Variants in TRIM71 observed in about 807,000 individuals in gnomAD.
The protein encoded by TRIM71 is tripartite motif containing 71.
Under a neutral mutation model 61.2 loss-of-function variants are expected in TRIM71, and 9 were observed. That is an observed-to-expected ratio of 0.15 (90% CI 0.09 to 0.26). TRIM71 has a LOEUF of 0.26. Among genes scored for constraint, TRIM71 ranks in the 10% least tolerant of loss-of-function variants. The pLI is 1.00. For missense variants in TRIM71, 998 were observed against 1,238.7 expected, an observed-to-expected ratio of 0.81 and a Z score of 2.92; for synonymous variants, 645 against 553.2, an observed-to-expected ratio of 1.17 and a Z score of -2.33.
chr3:32,836,842 G>A (rs1462824375), intron 1 of TRIM71, among the ~76,000 whole-genome samples: 1 of 152,164 alleles, frequency 6.6e-6, no homozygotes, highest in Admixed American at 6.5e-5. Context: ...TATTATACTG[G>A]TAGCTATTAA....
chr3:32,864,987 C>CCT (rs1370251554), intron 1 of TRIM71, among the ~76,000 whole-genome samples: 8 of 151,878 alleles, frequency 5.3e-5, no homozygotes, highest in Non-Finnish European at 8.8e-5. Context: ...TTTACCTCGA[C>CCT]CTCTGCCCCT....
chr3:32,854,099 A>G (rs1696570193), intron 1 of TRIM71, among the ~76,000 whole-genome samples: 1 of 152,016 alleles, frequency 6.6e-6, no homozygotes. Flanking sequence ...AGTAATTCTC[A>G]TGCCTGAGCC....
At chr3:32,831,578 G>C (rs1303744217) in intron 1 of TRIM71, among the ~76,000 whole-genome samples, 1 of 134,952 alleles carries the variant, frequency 7.4e-6, no homozygotes, top group Non-Finnish European at 1.5e-5. Flanking sequence ...TCGCTGGGAT[G>C]CCCAGGCTGG....
intron 1 of TRIM71, among the ~76,000 whole-genome samples, chr3:32,825,403 A>G (rs2125674282): frequency 6.6e-6 from 1 of 152,264 alleles, no homozygotes; most frequent in African/African-American, 2.4e-5. Context: ...TAGCTCTAAA[A>G]TTTAACCCCC....
At chr3:32,882,386 A>C (rs1333577133) in intron 2 of TRIM71, among the ~76,000 whole-genome samples, 2 of 152,096 alleles carry the variant, frequency 1.3e-5, no homozygotes, top group Non-Finnish European at 2.9e-5. Context: ...AACACATCTA[A>C]AAATATAGAG....
rs1328804032 is a variant in TRIM71, at chr3:32,818,298, A to G, written c.218A>G (p.His73Arg). Reference protein sequence around the residue: ...HAFCRPCLEAHRLPAAGGGAA... With the variant: ...HAFCRPCLEARRLPAAGGGAA... Reference sequence around the variant, plus strand: ...TTCTGCCGCCCCTGCCTCGAGGCGCACCGGCTGCCGGCGGCGGGCGGCGGC... The same window carrying G: ...TTCTGCCGCCCCTGCCTCGAGGCGCGCCGGCTGCCGGCGGCGGGCGGCGGC... Residue 73 changes from histidine (H) to arginine (R), a missense_variant, in exon 1 of 4, where the codon CAC (histidine) becomes CGC (arginine). Coordinates refer to ENST00000383763, the MANE Select transcript of TRIM71 (RefSeq NM_001039111.3). 3.5e-6 allele frequency: 5 copies of G among 1,432,856 alleles called. No individual in the cohort carries two copies. Among genetic ancestry groups the G allele is most frequent in the South Asian group, 1.4e-5 (1 of 71,906 alleles). The allele number at this position is 1,432,856 out of a possible 1,614,324, so 88.8% of individuals were successfully genotyped here.
At position 32,875,271 on chromosome 3, in the gene TRIM71, T is replaced by A. The variant is rs373702194; in HGVS notation, c.1020+1286T>A. ...ATTGAAACTGTTGTTTCTGTTGAATTCCTATCAACAGCTAGGGAGGGGCAT... is the reference window on the plus strand; with the variant it reads ...ATTGAAACTGTTGTTTCTGTTGAATACCTATCAACAGCTAGGGAGGGGCAT... On this transcript the variant is annotated intron_variant, in intron 2 of 3. Transcript: ENST00000383763. 4.6e-5 allele frequency among the ~76,000 whole-genome samples: 7 copies of A among 152,244 alleles called. No individual in the cohort carries two copies. In the East Asian group the frequency reaches 1.2e-3, roughly 25 times the overall value.
rs1369030192 is a variant in TRIM71 at position 32,893,042 on chromosome 3, C to G, written c.*1231C>G. The stretch of plus-strand genomic sequence containing the variant: ...TTTATTTTACAAGCACAATTTTTTC[C>G]TGCTTTGAAAGTTCAGGGAAATAGA... On this transcript the variant is annotated 3_prime_UTR_variant, in exon 4 of 4. Coordinates refer to ENST00000383763, the MANE Select transcript of TRIM71 (RefSeq NM_001039111.3). 6.6e-6 allele frequency: 1 copy of G among 152,122 alleles called. No individual in the cohort carries two copies. The highest frequency in any genetic ancestry group is 1.5e-5 in the Non-Finnish European group (1 of 68,028). 9.4% of individuals were successfully genotyped at this position (152,122 alleles called of 1,614,324 possible). A position where few individuals can be genotyped will look rare whatever the true frequency, so the allele number is the denominator to read the frequency against.
intron 1 of TRIM71, among the ~76,000 whole-genome samples, chr3:32,822,686 T>C (rs968902007): frequency 1.3e-5 from 2 of 152,202 alleles, no homozygotes; most frequent in Admixed American, 1.3e-4. Flanking sequence ...GCATAAATTA[T>C]AAAATCCATA....
intron 2 of TRIM71, among the ~76,000 whole-genome samples, chr3:32,877,432 C>T (rs976063581): frequency 4.0e-5 from 6 of 151,676 alleles, no homozygotes; most frequent in Non-Finnish European, 8.8e-5. Context: ...CAGGATCTCT[C>T]TCAAACTCCT....
chr3:32,868,752 C>T (rs889901620), intron 1 of TRIM71, among the ~76,000 whole-genome samples: 14 of 150,704 alleles, frequency 9.3e-5, no homozygotes, highest in Non-Finnish European at 1.5e-4. Flanking sequence ...TACTTGTTAC[C>T]TAGCCAAATA....
intron 1 of TRIM71, among the ~76,000 whole-genome samples, chr3:32,835,744 T>C (rs1696327912): frequency 6.6e-6 from 1 of 152,240 alleles, no homozygotes; most frequent in South Asian, 2.1e-4. Context: ...GTAACTTTAG[T>C]TAACTCTAAT....
rs1575361892 is a variant in TRIM71 at position 32,890,456 on chromosome 3, G to A, written c.1252G>A (p.Val418Met). Residue 418 changes from valine to methionine, a missense_variant, in exon 4 of 4, where the codon GTG becomes ATG. Physicochemically the swap from Val to Met is conservative, Grantham distance 21. Coordinates refer to ENST00000383763, the MANE Select transcript of TRIM71 (RefSeq NM_001039111.3). The surrounding 1 kb of genome is among the most constrained non-coding windows in gnomAD (Gnocchi z 6.2). ...LNKLESTISA[V>M]QQVLEEGRAL... ...CAAGCTTGAGAGCACCATCAGTGCC[G>A]TGCAGCAGGTCCTGGAGGAGGGTAG... 2.5e-6 allele frequency: 4 copies of A among 1,614,210 alleles called. No individual in the cohort carries two copies. The highest frequency in any genetic ancestry group is 1.1e-5 in the South Asian group (1 of 91,086).
At chr3:32,826,660 G>C (rs1036739320) in intron 1 of TRIM71, among the ~76,000 whole-genome samples, 13 of 142,950 alleles carry the variant, frequency 9.1e-5, no homozygotes, top group African/African-American at 3.1e-4. Flanking sequence ...TGGTCAGGCT[G>C]GTCTCAAACT....
chr3:32,820,313 TCTC>T (rs1269149679), intron 1 of TRIM71, among the ~76,000 whole-genome samples: 1 of 152,216 alleles, frequency 6.6e-6, no homozygotes, highest in Non-Finnish European at 1.5e-5. Flanking sequence ...TTAGCTGGCT[TCTC>T]CTGTTGGAAA....
At chr3:32,885,783 A>G in intron 2 of TRIM71, 151 bp from the exon 3 acceptor site, 2 of 1,020,200 alleles carry the variant, frequency 2.0e-6, no homozygotes, top group African/African-American at 1.6e-5. Context: ...GTCTCTCCCT[A>G]AGTGCCTGTT....
intron 2 of TRIM71, among the ~76,000 whole-genome samples, chr3:32,880,364 G>C (rs1422112773): frequency 2.0e-5 from 3 of 152,172 alleles, no homozygotes; most frequent in African/African-American, 7.2e-5. Context: ...TTGTGTGATT[G>C]TTGTAACCAT....
At chr3:32,839,942 A>G (rs753118132) in intron 1 of TRIM71, among the ~76,000 whole-genome samples, 2 of 152,208 alleles carry the variant, frequency 1.3e-5, no homozygotes, top group Non-Finnish European at 2.9e-5. Context: ...TCTACTGGCG[A>G]TTAGAACTGT....
intron 1 of TRIM71, among the ~76,000 whole-genome samples, chr3:32,867,287 A>G (rs906709381): frequency 3.9e-5 from 6 of 152,154 alleles, no homozygotes; most frequent in Admixed American, 2.0e-4. Flanking sequence ...CTGTGCATTT[A>G]CATAATACAT....
Sources: gnomAD v4.1 joint callset for allele counts (sites outside exome capture counted in the v4.1 genomes callset) on GRCh38, gnomAD v4.1.1 for gene constraint, Gnocchi (gnomAD v3.1) non-coding constraint, MANE v1.5 for transcripts, NCBI Gene and HGNC (gene_info 2026-07-23, HGNC 2026-07-21) for gene names.